Variants in PPFIBP2 observed in about 807,000 individuals in gnomAD.
PPFIBP2 encodes PPFIB scaffold protein 2.
Under a neutral mutation model 118.3 loss-of-function variants are expected in PPFIBP2, and 118 were observed. The observed-to-expected ratio is 1.00, with a 90% confidence interval of 0.86 to 1.16. The LOEUF is 1.16. Among genes scored for constraint, PPFIBP2 ranks in the 50% most tolerant of loss-of-function variants. PPFIBP2 has a pLI of 0.00. For missense variants in PPFIBP2, 1,195 were observed against 1,073.1 expected (o/e 1.11, Z -1.59); for synonymous variants, 414 against 397.4 (o/e 1.04, Z -0.50).
intron 17 of PPFIBP2, among the ~76,000 whole-genome samples, chr11:7,647,896 G>A (rs998813716): frequency 1.3e-5 from 2 of 152,164 alleles, no homozygotes; most frequent in African/African-American, 4.8e-5. Context: ...TTGTTAATAA[G>A]TAATGTGCTA....
At chr11:7,611,892 A>G (rs759189601) in intron 6 of PPFIBP2, among the ~76,000 whole-genome samples, 1 of 152,242 alleles carries the variant, frequency 6.6e-6, no homozygotes. Context: ...GTGCTAGTTG[A>G]ATTAAATGTT....
At chr11:7,524,922 G>A (rs1001972889) in intron 1 of PPFIBP2, among the ~76,000 whole-genome samples, 3 of 152,236 alleles carry the variant, frequency 2.0e-5, no homozygotes, top group East Asian at 3.9e-4. Flanking sequence ...CTCTTCCTGC[G>A]ACCAACCAGC....
chr11:7,566,685 C>T (rs990061096), intron 3 of PPFIBP2, among the ~76,000 whole-genome samples: 1 of 151,758 alleles, frequency 6.6e-6, no homozygotes, highest in African/African-American at 2.4e-5. Context: ...CACTAATATA[C>T]CTAAATTATA....
chr11:7,537,498 A>T (rs7925442), intron 1 of PPFIBP2, among the ~76,000 whole-genome samples: 3 of 151,982 alleles, frequency 2.0e-5, no homozygotes, highest in Non-Finnish European at 2.9e-5. Context: ...CAGGCAGCCA[A>T]ATCTTAGAAC....
intron 5 of PPFIBP2, among the ~76,000 whole-genome samples, chr11:7,599,970 T>G (rs1366991907): frequency 6.6e-6 from 1 of 152,016 alleles, no homozygotes; most frequent in Non-Finnish European, 1.5e-5. Context: ...GCCCGTTTAT[T>G]CTAAACCCTC....
chr11:7,604,421 T>TACACACAC lies in PPFIBP2; in HGVS notation c.487-5868_487-5861dup, dbSNP rs375636585. Among the ~76,000 whole-genome samples the TACACACAC allele has an allele frequency of 2.6e-5, 4 of 151,490 alleles. 1 individual carries two copies. Among genetic ancestry groups the TACACACAC allele is most frequent in the African/African-American group, 9.7e-5 (4 of 41,256 alleles). On this transcript the variant is annotated intron_variant, in intron 5 of 23. Transcript: ENST00000299492. ...ATCTTGTTGAGGAGTGACACACACA[T>TACACACAC]ACACACACATGCACCCACACACACC...
downstream of PPFIBP2, among the ~76,000 whole-genome samples, chr11:7,661,397 C>T (rs185841427): frequency 9.1e-3 from 1,380 of 151,558 alleles, 22 homozygotes; most frequent in African/African-American, 0.032. Context: ...GCCTTCATTT[C>T]GTTATGTTCC....
intron 5 of PPFIBP2, among the ~76,000 whole-genome samples, chr11:7,599,963 C>T (rs1358021522): frequency 1.3e-5 from 2 of 151,864 alleles, no homozygotes; most frequent in African/African-American, 2.4e-5. Context: ...TTTTTTAGCC[C>T]GTTTATTCTA....
At chr11:7,657,749 T>C (rs146987228), downstream of PPFIBP2, among the ~76,000 whole-genome samples, 2 of 152,334 alleles carry the variant, frequency 1.3e-5, no homozygotes, top group Non-Finnish European at 2.9e-5. Context: ...AAAGAGACCA[T>C]CTCTCAGGAA....
At chr11:7,598,738 A>AT (rs538418565) in intron 5 of PPFIBP2, among the ~76,000 whole-genome samples, 11 of 149,792 alleles carry the variant, frequency 7.3e-5, no homozygotes, top group South Asian at 4.2e-4. Context: ...AAGCGCTAGC[A>AT]TTTTTTTTTT....
chr11:7,645,491 A>G (rs1852923136), intron 17 of PPFIBP2, among the ~76,000 whole-genome samples: 1 of 152,260 alleles, frequency 6.6e-6, no homozygotes, highest in South Asian at 2.1e-4. Context: ...ATGTGTCAAC[A>G]AAACAAATGG....
At chr11:7,594,487 AAG>A (rs970686186) in intron 4 of PPFIBP2, among the ~76,000 whole-genome samples, 7 of 152,386 alleles carry the variant, frequency 4.6e-5, no homozygotes, top group African/African-American at 9.6e-5. Flanking sequence ...TTCCATTTGA[AAG>A]AGAGAGAGTG....
chr11:7,644,054 G>A (rs940790561), intron 17 of PPFIBP2, among the ~76,000 whole-genome samples: 2 of 151,930 alleles, frequency 1.3e-5, no homozygotes, highest in African/African-American at 4.8e-5. Context: ...CTTTTTATTG[G>A]TAATTTAGTT....
At chr11:7,656,267 T>C (rs1214938044), downstream of PPFIBP2, among the ~76,000 whole-genome samples, 1 of 152,226 alleles carries the variant, frequency 6.6e-6, no homozygotes, top group Non-Finnish European at 1.5e-5. Flanking sequence ...GCCTATTGGC[T>C]ATAGTGTCTG....
chr11:7,610,205 G>T, intron 5 of PPFIBP2, 86 bp from the exon 6 acceptor site: 1 of 1,468,624 alleles, frequency 6.8e-7, no homozygotes, highest in Non-Finnish European at 9.4e-7. Flanking sequence ...CACAACTTAG[G>T]TGTTGCCTTA....
chr11:7,587,279 T>C (rs1277643865), intron 3 of PPFIBP2, among the ~76,000 whole-genome samples: 1 of 152,226 alleles, frequency 6.6e-6, no homozygotes, highest in Non-Finnish European at 1.5e-5. Context: ...CCCCTGATGA[T>C]AATCCTGGTT....
intron 10 of PPFIBP2, among the ~76,000 whole-genome samples, chr11:7,630,493 G>A (rs1181059171): frequency 1.3e-5 from 2 of 152,184 alleles, no homozygotes; most frequent in African/African-American, 2.4e-5. Context: ...TGTATTTTTA[G>A]TGGAGATGGG....
At chr11:7,550,085 G>T (rs1852792550) in intron 2 of PPFIBP2, among the ~76,000 whole-genome samples, 1 of 152,158 alleles carries the variant, frequency 6.6e-6, no homozygotes, top group African/African-American at 2.4e-5. Context: ...CTTTTTCTTA[G>T]AAAAGATCTA....
At chr11:7,648,276 AG>A in intron 17 of PPFIBP2, 110 bp from the exon 18 acceptor site, 1 of 1,256,800 alleles carries the variant, frequency 8.0e-7, no homozygotes, top group Non-Finnish European at 1.1e-6. Context: ...GTTAAAAAAC[AG>A]GTTTTTTGTT....
Sources: gnomAD v4.1 joint callset for allele counts (sites outside exome capture counted in the v4.1 genomes callset) on GRCh38, gnomAD v4.1.1 for gene constraint, MANE v1.5 for transcripts, NCBI Gene and HGNC (gene_info 2026-07-23, HGNC 2026-07-21) for gene names.